Variants in ECPAS observed in about 807,000 individuals in gnomAD.
The protein encoded by ECPAS is Ecm29 proteasome adaptor and scaffold.
A neutral mutation model predicts 255.1 loss-of-function variants in ECPAS; 70 were observed. The observed-to-expected ratio is 0.27, with a 90% CI of 0.23 to 0.33. ECPAS has a LOEUF of 0.33. Ranked by LOEUF, ECPAS falls within the 10% of genes least tolerant of loss-of-function variation. ECPAS has a pLI of 1.00. For missense variants in ECPAS, 1,817 were observed against 2,206.4 expected, an observed-to-expected ratio of 0.82 and a Z score of 3.54; for synonymous variants, 784 against 775.0, an observed-to-expected ratio of 1.01 and a Z score of -0.19.
intron 24 of ECPAS, among the ~76,000 whole-genome samples, chr9:111,399,948 G>T (rs1280022602): frequency 3.9e-5 from 6 of 152,240 alleles, no homozygotes. Flanking sequence ...TACTGTGCTG[G>T]TCTGGGAGGC....
At chr9:111,399,368 C>G (rs1381809423) in intron 24 of ECPAS, among the ~76,000 whole-genome samples, 1 of 152,216 alleles carries the variant, frequency 6.6e-6, no homozygotes, top group Non-Finnish European at 1.5e-5. Flanking sequence ...GGGAAGTACA[C>G]ACTGCCTATA....
At chr9:111,433,619 G>T (rs2098233364) in intron 7 of ECPAS, among the ~76,000 whole-genome samples, 1 of 152,070 alleles carries the variant, frequency 6.6e-6, no homozygotes, top group Admixed American at 6.5e-5. Flanking sequence ...CCGAGGCAAG[G>T]CTTAAAAGAT....
intron 3 of ECPAS, among the ~76,000 whole-genome samples, chr9:111,447,824 G>C (rs947609093): frequency 1.3e-5 from 2 of 151,926 alleles, no homozygotes; most frequent in African/African-American, 4.8e-5. Context: ...AGTTATAATA[G>C]AAAGATACAT....
At chr9:111,385,476 A>T in intron 32 of ECPAS, 34 bp from the exon 33 acceptor site, 1 of 1,172,050 alleles carries the variant, frequency 8.5e-7, no homozygotes, top group Non-Finnish European at 1.2e-6. Context: ...ATATATGATG[A>T]AAAAGGTCAG....
intron 35 of ECPAS, among the ~76,000 whole-genome samples, chr9:111,381,852 T>G (rs955655578): frequency 1.3e-5 from 2 of 152,202 alleles, no homozygotes; most frequent in African/African-American, 4.8e-5. Context: ...CACATTGCAA[T>G]CTACTGCATT....
intron 33 of ECPAS, among the ~76,000 whole-genome samples, chr9:111,384,908 AAAAG>A (rs1375153615): frequency 6.6e-6 from 1 of 150,888 alleles, no homozygotes; most frequent in East Asian, 2.0e-4. Flanking sequence ...AAATAAAGCA[AAAAG>A]AAAGGTAAAA....
intron 25 of ECPAS, 43 bp downstream of exon 25, chr9:111,396,987 G>A: frequency 6.2e-7 from 1 of 1,611,766 alleles, no homozygotes; most frequent in South Asian, 1.1e-5. Context: ...AACAAAAAAA[G>A]GTTACTTGAT....
chr9:111,413,267 T>C (rs2098197674), intron 20 of ECPAS, among the ~76,000 whole-genome samples: 1 of 152,202 alleles, frequency 6.6e-6, no homozygotes, highest in Non-Finnish European at 1.5e-5. Context: ...TGACCATCTA[T>C]AAAGATCTAG....
intron 7 of ECPAS, 23 bp downstream of exon 7, chr9:111,436,917 T>TA (rs1271146008): frequency 1.3e-6 from 2 of 1,567,626 alleles, no homozygotes; most frequent in East Asian, 4.6e-5. Flanking sequence ...CAACTACTAT[T>TA]ATGAGCAAGC....
chr9:111,482,565 C>T (rs2098307575), intron 1 of ECPAS, among the ~76,000 whole-genome samples: 1 of 152,154 alleles, frequency 6.6e-6, no homozygotes, highest in African/African-American at 2.4e-5. Context: ...CAACACCTCA[C>T]CCATGCTTTA....
chr9:111,363,427 T>G (rs967234764), intron 49 of ECPAS, among the ~76,000 whole-genome samples, 161 bp downstream of exon 49: 2 of 152,136 alleles, frequency 1.3e-5, no homozygotes, highest in East Asian at 1.9e-4. Context: ...TTAGTAAAAT[T>G]TAATAGTTTT....
chr9:111,458,194 C>T (rs1038513456), intron 2 of ECPAS, among the ~76,000 whole-genome samples: 2 of 152,160 alleles, frequency 1.3e-5, no homozygotes, highest in African/African-American at 4.8e-5. Flanking sequence ...CCTATATTTT[C>T]ATGTCAGATA....
chr9:111,399,082 T>A (rs1489156532), intron 24 of ECPAS, among the ~76,000 whole-genome samples: 2 of 152,176 alleles, frequency 1.3e-5, no homozygotes, highest in Non-Finnish European at 2.9e-5. Context: ...CTTGAGGGGA[T>A]GGATACCCTA....
chr9:111,429,817 A>G (rs999686045), intron 9 of ECPAS, among the ~76,000 whole-genome samples: 1 of 152,256 alleles, frequency 6.6e-6, no homozygotes, highest in African/African-American at 2.4e-5. Flanking sequence ...CAGCCTAGGC[A>G]ACATAGCTAA....
intron 1 of ECPAS, chr9:111,483,755 C>G (rs924920309): frequency 1.2e-5 from 2 of 165,658 alleles, no homozygotes; most frequent in Non-Finnish European, 1.2e-5. Flanking sequence ...CTCGGGCGCT[C>G]CCGCAGCCTC....
chr9:111,421,816 T>C (rs1564534048), intron 15 of ECPAS, 105 bp downstream of exon 15: 2 of 1,336,462 alleles, frequency 1.5e-6, no homozygotes, highest in Non-Finnish European at 2.0e-6. Context: ...ACAGCCCAAG[T>C]GAAAGCAAAT....
At chr9:111,466,616 TACACACACACACACACACACACACAC>T (rs55763374) in intron 2 of ECPAS, among the ~76,000 whole-genome samples, 1 of 143,382 alleles carries the variant, frequency 7.0e-6, no homozygotes, top group Non-Finnish European at 1.5e-5. Flanking sequence ...AATAACTAAA[TACACACACACACACACACACACACAC>T]ACACACACAC....
intron 1 of ECPAS, among the ~76,000 whole-genome samples, chr9:111,480,288 T>C (rs1359506209): frequency 2.3e-5 from 3 of 132,018 alleles, no homozygotes; most frequent in South Asian, 2.5e-4. Flanking sequence ...TAAAAGCACC[T>C]TTTCTTTTTT....
In ECPAS at chr9:111,370,598, T is replaced by G. The variant is rs763319865; in HGVS notation, c.4811A>C (p.Gln1604Pro). Residue 1604 changes from glutamine to proline, a missense_variant, in exon 45 of 50, where the codon CAA (glutamine) becomes CCA (proline). Gln to Pro is a moderately conservative substitution (Grantham distance 76, BLOSUM62 -1). Coordinates refer to ENST00000684092, the MANE Select transcript of ECPAS (RefSeq NM_001364929.1). ...TTGAAGAATTTCATTTGTGCTGGGT[T>G]GATTGGGCACAGACTTTTCCAGCTC... Reference protein sequence around the residue: ...SAELEKSVPNQPSTNEILQAV... With the variant: ...SAELEKSVPNPPSTNEILQAV... The G allele has an allele frequency of 6.2e-7, 1 of 1,611,128 alleles. No individual in the cohort carries two copies. The highest frequency in any genetic ancestry group is 8.5e-7 in the Non-Finnish European group (1 of 1,178,584).
Sources: allele counts gnomAD v4.1 joint callset (sites outside exome capture counted in the v4.1 genomes callset), GRCh38; gene constraint gnomAD v4.1.1; transcripts MANE v1.5; gene names NCBI Gene and HGNC (gene_info 2026-07-23, HGNC 2026-07-21).